Variants in RSF1 observed in about 807,000 individuals in gnomAD.
RSF1 encodes the protein remodeling and spacing factor 1, also known as HBV pX-associated protein 8.
Under a neutral mutation model 145.2 loss-of-function variants are expected in RSF1, and 13 were observed. That is an observed-to-expected ratio of 0.09 (90% CI 0.06 to 0.14). The LOEUF is 0.14. Ranked by LOEUF, RSF1 falls within the 10% of genes least tolerant of loss-of-function variation. The pLI, the probability that RSF1 is intolerant of heterozygous loss-of-function variation, is 1.00. For missense variants in RSF1, 1,517 were observed against 1,718.2 expected (o/e 0.88, Z 2.07); for synonymous variants, 577 against 592.6 (o/e 0.97, Z 0.38).
chr11:77,713,368 T>G (rs1256114116), intron 5 of RSF1, among the ~76,000 whole-genome samples: 1 of 152,150 alleles, frequency 6.6e-6, no homozygotes, highest in African/African-American at 2.4e-5. Context: ...TCAAATACAT[T>G]ATGGCATTTT....
intron 3 of RSF1, 78 bp downstream of exon 3, chr11:77,746,954 TTTTG>T (rs1284098338): frequency 3.5e-5 from 28 of 807,716 alleles, no homozygotes; most frequent in Admixed American, 1.5e-4. Flanking sequence ...AATGTCTACT[TTTTG>T]TTTATTTTCC....
At chr11:77,778,562 T>G (rs12364072) in intron 1 of RSF1, among the ~76,000 whole-genome samples, 38,687 of 152,052 alleles carry the variant, frequency 0.25, 5,631 homozygotes, top group South Asian at 0.49. Flanking sequence ...AAAAAAGTTC[T>G]TGGCAAACTC....
chr11:77,733,308 G>A (rs896433821), intron 4 of RSF1, among the ~76,000 whole-genome samples: 1 of 152,012 alleles, frequency 6.6e-6, no homozygotes, highest in African/African-American at 2.4e-5. Context: ...ATTCTACAAT[G>A]AATAATGATG....
At chr11:77,818,291 T>C (rs2135994891) in intron 1 of RSF1, among the ~76,000 whole-genome samples, 1 of 152,304 alleles carries the variant, frequency 6.6e-6, no homozygotes, top group Middle Eastern at 3.4e-3. Flanking sequence ...CAATCTCATA[T>C]ACTACCCAAA....
At chr11:77,818,979 G>A (rs1392891865) in intron 1 of RSF1, among the ~76,000 whole-genome samples, 2 of 152,174 alleles carry the variant, frequency 1.3e-5, no homozygotes, top group African/African-American at 2.4e-5. Context: ...AATGTGGACA[G>A]GTAAGAACAG....
intron 5 of RSF1, among the ~76,000 whole-genome samples, chr11:77,716,269 G>A (rs1018684910): frequency 4.6e-5 from 7 of 152,068 alleles, no homozygotes; most frequent in African/African-American, 1.5e-4. Context: ...ATCCCACTAC[G>A]GGGTATATCC....
chr11:77,808,018 T>C (rs1051620380), intron 1 of RSF1, among the ~76,000 whole-genome samples: 2 of 152,032 alleles, frequency 1.3e-5, no homozygotes, highest in African/African-American at 4.8e-5. Context: ...GTCGAGCCAA[T>C]CCCATTAAAA....
intron 1 of RSF1, among the ~76,000 whole-genome samples, chr11:77,765,857 C>A (rs1948219841): frequency 6.6e-6 from 1 of 152,196 alleles, no homozygotes; most frequent in Admixed American, 6.5e-5. Flanking sequence ...AAGCAATTCT[C>A]CTGCCTCAGC....
At chr11:77,834,102 C>T in the RSF1 span, among the ~76,000 whole-genome samples, 4 of 152,166 alleles carry the variant, frequency 2.6e-5, no homozygotes, top group African/African-American at 9.7e-5. Flanking sequence ...TGCTTTAAAT[C>T]TTATAATCCT....
At position 77,667,320 on chromosome 11, in the gene RSF1, T is replaced by C; in HGVS notation, c.3923A>G (p.Glu1308Gly). The change falls in exon 16 of 16, where the codon GAG becomes GGG. Residue 1308 changes from glutamate (E) to glycine (G), a missense_variant. Physicochemically the swap from Glu to Gly is moderately conservative, Grantham distance 98. Transcript: ENST00000308488. The part of the protein sequence containing the change: ...KRLHRIETDE[E>G]ESCDNAHGDA... ...TCCATGAGCATTGTCACAACTCTCC[T>C]CCTCATCCGTCTCAATCCGGTGTAG... 1 of 1,614,030 alleles carries C rather than the reference T, an allele frequency of 6.2e-7. No homozygotes were observed. Among genetic ancestry groups the C allele is most frequent in the Admixed American group, 1.7e-5 (1 of 60,006 alleles).
chr11:77,666,729 G>GC lies in RSF1; in HGVS notation c.*187dup, dbSNP rs1959371513. On this transcript the variant is annotated 3_prime_UTR_variant, in exon 16 of 16. Transcript: ENST00000308488. ...AAAAGAAAATCAAAAGGAATTTACA[G>GC]CAATTATTTATCTTCAAAGTTCAGA... 4.8e-6 allele frequency: 2 copies of GC among 414,578 alleles called. No individual in the cohort carries two copies. The highest frequency in any genetic ancestry group is 4.0e-5 in the Admixed American group (1 of 25,042). The allele number at this position is 414,578 out of a possible 1,614,324, so 25.7% of individuals were successfully genotyped here. A position where few individuals can be genotyped will look rare whatever the true frequency, so the allele number is the denominator to read the frequency against.
At chr11:77,683,260 C>T (rs1959914239) in intron 11 of RSF1, among the ~76,000 whole-genome samples, 1 of 152,098 alleles carries the variant, frequency 6.6e-6, no homozygotes, top group South Asian at 2.1e-4. Context: ...CACTGCACTC[C>T]AGCCTGGAGA....
At chr11:77,835,118 C>A in the RSF1 span, among the ~76,000 whole-genome samples, 1 of 152,190 alleles carries the variant, frequency 6.6e-6, no homozygotes, top group South Asian at 2.1e-4. Context: ...ACAGATAGAT[C>A]TAGCATTGTT....
intron 1 of RSF1, among the ~76,000 whole-genome samples, chr11:77,800,501 G>T (rs1027366966): frequency 1.4e-4 from 22 of 151,806 alleles, no homozygotes; most frequent in African/African-American, 4.8e-4. Context: ...CAAAAAAAAA[G>T]AAAAGAAAAA....
the RSF1 span, among the ~76,000 whole-genome samples, chr11:77,861,995 C>T: frequency 4.6e-5 from 7 of 152,284 alleles, no homozygotes; most frequent in African/African-American, 1.7e-4. Flanking sequence ...CTCAATGCCT[C>T]CCTTAGTCTC....
At chr11:77,669,802 A>T (rs1401676445) in intron 15 of RSF1, among the ~76,000 whole-genome samples, 1 of 152,216 alleles carries the variant, frequency 6.6e-6, no homozygotes, top group African/African-American at 2.4e-5. Context: ...GACAATATGT[A>T]AACAAATTGG....
rs560593467 is a variant in RSF1, at chr11:77,667,841, T to A, written c.3752-350A>T. On this transcript the variant is annotated intron_variant, in intron 15 of 15. Transcript: ENST00000308488. ...GCCTCAGCCTCCCGAGTAGCTGGGA[T>A]TACAGGCGCCAGCCACCACGCCTGG... Among the ~76,000 whole-genome samples, 34 of 152,166 alleles carry A rather than the reference T, an allele frequency of 2.2e-4. 1 individual carries two copies. The East Asian group carries it at 6.2e-3, about 28-fold the overall frequency.
At chr11:77,749,984 C>G (rs183789546) in intron 2 of RSF1, among the ~76,000 whole-genome samples, 1 of 151,988 alleles carries the variant, frequency 6.6e-6, no homozygotes, top group Non-Finnish European at 1.5e-5. Flanking sequence ...CCTGACCTTG[C>G]GATTCGCCTG....
chr11:77,836,416 C>G, the RSF1 span, among the ~76,000 whole-genome samples: 1 of 151,984 alleles, frequency 6.6e-6, no homozygotes, highest in African/African-American at 2.4e-5. Context: ...CAGAAAAAGC[C>G]ATGTGAGAAA....
Sources: gnomAD v4.1 joint callset for allele counts (sites outside exome capture counted in the v4.1 genomes callset) on GRCh38, gnomAD v4.1.1 for gene constraint, MANE v1.5 for transcripts, NCBI Gene and HGNC (gene_info 2026-07-23, HGNC 2026-07-21) for gene names.